SDK1: variants seen among roughly 807,000 people sequenced by gnomAD.
SDK1 encodes sidekick cell adhesion molecule 1, also known as protein sidekick-1.
In SDK1, 157 loss-of-function variants were observed where a neutral mutation model predicts 245.5. The ratio of observed to expected loss-of-function variants is 0.64; its 90% CI spans 0.56 to 0.73. The LOEUF is 0.73. Ranked by LOEUF, SDK1 falls within the 30% of genes least tolerant of loss-of-function variation. The probability of loss-of-function intolerance (pLI) is 0.00; values close to 1 mark genes in which losing one functional copy is unlikely to be tolerated. For missense variants in SDK1, 3,583 were observed against 3,002.3 expected (o/e 1.19, Z -4.52); for synonymous variants, 1,647 against 1,278.5 (o/e 1.29, Z -6.15).
chr7:3,776,946 C>T (rs1309819922), intron 4 of SDK1, among the ~76,000 whole-genome samples: 1 of 152,196 alleles, frequency 6.6e-6, no homozygotes, highest in Non-Finnish European at 1.5e-5. Flanking sequence ...CCCACACGGA[C>T]TGTGATCCAG....
chr7:4,196,719 G>A (rs1235028943), intron 35 of SDK1, among the ~76,000 whole-genome samples: 3 of 152,202 alleles, frequency 2.0e-5, no homozygotes, highest in South Asian at 2.1e-4. Context: ...TGACCTGCCC[G>A]TGGCCTGCTC....
At chr7:4,206,031 C>A in intron 36 of SDK1, 37 bp downstream of exon 36, 1 of 1,359,540 alleles carries the variant, frequency 7.4e-7, no homozygotes, top group Non-Finnish European at 1.0e-6. Flanking sequence ...CCCTGGCTCG[C>A]TTGGGCACCC....
intron 1 of SDK1, among the ~76,000 whole-genome samples, chr7:3,323,164 C>T: frequency 6.6e-6 from 1 of 152,080 alleles, no homozygotes; most frequent in Non-Finnish European, 1.5e-5. Flanking sequence ...CCCCCTTCCC[C>T]CACTCGACCG....
intron 5 of SDK1, among the ~76,000 whole-genome samples, chr7:3,856,651 C>G (rs940646886): frequency 1.3e-5 from 2 of 151,866 alleles, no homozygotes; most frequent in African/African-American, 2.4e-5. Flanking sequence ...ATTAGCCAGG[C>G]ATGGTGGCGG....
intron 5 of SDK1, among the ~76,000 whole-genome samples, chr7:3,845,033 C>T (rs977627518): frequency 1.3e-5 from 2 of 152,170 alleles, no homozygotes; most frequent in African/African-American, 2.4e-5. Context: ...GCTTAACTAC[C>T]TGGAGCAGAG....
At chr7:3,987,778 C>T (rs1038388915) in intron 14 of SDK1, among the ~76,000 whole-genome samples, 12 of 152,120 alleles carry the variant, frequency 7.9e-5, no homozygotes, top group African/African-American at 2.7e-4. Flanking sequence ...GCCCATTTAC[C>T]GCCATCCTTG....
rs561977507 is a variant in SDK1 at position 4,010,911 on chromosome 7, A to G, written c.2132-55A>G. The G allele has an allele frequency of 3.4e-5, 54 of 1,587,478 alleles. 1 individual carries two copies. The East Asian group carries it at 1.1e-3, about 33-fold the overall frequency. ...GAGAAAGCCTTTGCATTCACCTCTT[A>G]TTATTCAGACATGATAAGCCTGTGG... is the stretch of plus-strand genomic sequence containing the variant. On this transcript the variant is annotated intron_variant, in intron 14 of 44. Coordinates refer to ENST00000404826, the MANE Select transcript of SDK1 (RefSeq NM_152744.4).
chr7:4,108,197 C>T (rs1025500803), intron 22 of SDK1, among the ~76,000 whole-genome samples: 5 of 152,162 alleles, frequency 3.3e-5, no homozygotes, highest in South Asian at 2.1e-4. Context: ...TCTTCACAGA[C>T]GCGATGGAGG....
chr7:3,499,305 T>C (rs1782121124), intron 1 of SDK1, among the ~76,000 whole-genome samples: 1 of 152,248 alleles, frequency 6.6e-6, no homozygotes, highest in African/African-American at 2.4e-5. Flanking sequence ...ACTAACTTGC[T>C]ATATTAAAAT....
intron 1 of SDK1, among the ~76,000 whole-genome samples, chr7:3,610,185 A>G (rs936156803): frequency 2.0e-5 from 3 of 152,224 alleles, no homozygotes; most frequent in East Asian, 1.9e-4. Flanking sequence ...AACCTTCACC[A>G]TGTGGATATC....
At chr7:4,204,651 G>A (rs1446841997) in intron 35 of SDK1, among the ~76,000 whole-genome samples, 1 of 152,124 alleles carries the variant, frequency 6.6e-6, no homozygotes, top group East Asian at 1.9e-4. Flanking sequence ...TCCATCGATG[G>A]TCCGTAAAGA....
At chr7:3,738,788 C>T (rs191840128) in intron 4 of SDK1, among the ~76,000 whole-genome samples, 1 of 149,978 alleles carries the variant, frequency 6.7e-6, no homozygotes, top group African/African-American at 2.4e-5. Flanking sequence ...CTTTTTAATA[C>T]TATTGTAATG....
intron 22 of SDK1, among the ~76,000 whole-genome samples, chr7:4,108,559 G>C (rs1000812209): frequency 2.0e-5 from 3 of 152,170 alleles, no homozygotes; most frequent in Non-Finnish European, 2.9e-5. Context: ...ACACCACCCT[G>C]TGGTTTTGCC....
intron 4 of SDK1, among the ~76,000 whole-genome samples, chr7:3,681,536 C>G (rs1784100898): frequency 6.6e-6 from 1 of 152,132 alleles, no homozygotes; most frequent in Non-Finnish European, 1.5e-5. Flanking sequence ...GCCAATTTTT[C>G]AAAATGATTT....
intron 16 of SDK1, among the ~76,000 whole-genome samples, chr7:4,015,578 T>A (rs1786328969): frequency 6.6e-6 from 1 of 152,242 alleles, no homozygotes; most frequent in African/African-American, 2.4e-5. Flanking sequence ...ACCATCATGC[T>A]ACGTCGGTGA....
chr7:4,136,768 G>C (rs955970796), intron 28 of SDK1, among the ~76,000 whole-genome samples: 1 of 152,242 alleles, frequency 6.6e-6, no homozygotes, highest in African/African-American at 2.4e-5. Flanking sequence ...CAGCAGGAGG[G>C]CCTAACATTT....
At chr7:3,471,822 G>A (rs1163182963) in intron 1 of SDK1, among the ~76,000 whole-genome samples, 2 of 152,150 alleles carry the variant, frequency 1.3e-5, no homozygotes, top group African/African-American at 4.8e-5. Context: ...GGTTATAGTA[G>A]TTTAAAACAC....
intron 1 of SDK1, among the ~76,000 whole-genome samples, chr7:3,529,811 T>C (rs2128617622): frequency 6.6e-6 from 1 of 152,296 alleles, no homozygotes; most frequent in Non-Finnish European, 1.5e-5. Flanking sequence ...TATGCTCACA[T>C]CACGTGCCTC....
At chr7:3,684,546 A>C (rs973341781) in intron 4 of SDK1, among the ~76,000 whole-genome samples, 2 of 152,276 alleles carry the variant, frequency 1.3e-5, no homozygotes, top group African/African-American at 4.8e-5. Flanking sequence ...CATAGGATGC[A>C]AAGGTCTTAT....
Sources: allele counts gnomAD v4.1 joint callset (sites outside exome capture counted in the v4.1 genomes callset), GRCh38; gene constraint gnomAD v4.1.1; transcripts MANE v1.5; gene names NCBI Gene and HGNC (gene_info 2026-07-23, HGNC 2026-07-21).